Variants in PLCB1 observed in about 807,000 individuals in gnomAD.
PLCB1 encodes the protein 1-phosphatidylinositol 4,5-bisphosphate phosphodiesterase beta-1.
Under a neutral mutation model 161.8 loss-of-function variants are expected in PLCB1, and 46 were observed. That is an observed-to-expected ratio of 0.28 (90% CI 0.22 to 0.36). PLCB1 has a LOEUF of 0.36. Ranked by LOEUF, PLCB1 falls within the 10% of genes least tolerant of loss-of-function variation. PLCB1 has a pLI of 1.00. For synonymous variants in PLCB1, 517 were observed against 503.7 expected, an observed-to-expected ratio of 1.03 and a Z score of -0.35; for missense variants, 1,016 against 1,472.5, an observed-to-expected ratio of 0.69 and a Z score of 5.07.
At chr20:8,789,890 C>T (rs1008610049) in intron 30 of PLCB1, among the ~76,000 whole-genome samples, 3 of 152,134 alleles carry the variant, frequency 2.0e-5, no homozygotes, top group East Asian at 1.9e-4. Flanking sequence ...ATGGCAACCT[C>T]GAAGGGCTGT....
chr20:8,575,773 A>T (rs563252344), intron 3 of PLCB1, among the ~76,000 whole-genome samples: 2 of 152,354 alleles, frequency 1.3e-5, no homozygotes, highest in South Asian at 4.1e-4. Context: ...TTCCGTTTGG[A>T]TTAACATCAC....
At chr20:8,548,648 C>A (rs550533941) in intron 3 of PLCB1, among the ~76,000 whole-genome samples, 1 of 152,052 alleles carries the variant, frequency 6.6e-6, no homozygotes, top group Non-Finnish European at 1.5e-5. Flanking sequence ...AACCAAATCT[C>A]TGTATTTCAG....
At chr20:8,772,983 TGCCAAG>T (rs1303898362) in intron 26 of PLCB1, among the ~76,000 whole-genome samples, 1 of 152,200 alleles carries the variant, frequency 6.6e-6, no homozygotes, top group Non-Finnish European at 1.5e-5. Context: ...AACTATGTCA[TGCCAAG>T]AGGAAAGTTT....
intron 2 of PLCB1, among the ~76,000 whole-genome samples, chr20:8,247,142 G>T (rs577921280): frequency 6.6e-6 from 1 of 151,958 alleles, no homozygotes; most frequent in Non-Finnish European, 1.5e-5. Context: ...AATACTATCA[G>T]TTCCCAAAAC....
At chr20:8,380,355 T>C (rs1987220114) in intron 3 of PLCB1, among the ~76,000 whole-genome samples, 2 of 152,222 alleles carry the variant, frequency 1.3e-5, no homozygotes, top group South Asian at 4.1e-4. Context: ...TGTAGTATTG[T>C]AGTATAGTTT....
chr20:8,345,086 T>C (rs1434839048), intron 2 of PLCB1, among the ~76,000 whole-genome samples: 1 of 152,228 alleles, frequency 6.6e-6, no homozygotes, highest in Non-Finnish European at 1.5e-5. Context: ...TCAGAATTTT[T>C]GAAAAGTAAA....
intron 2 of PLCB1, among the ~76,000 whole-genome samples, chr20:8,253,417 A>G (rs1376211012): frequency 1.3e-5 from 2 of 151,934 alleles, no homozygotes; most frequent in Non-Finnish European, 2.9e-5. Flanking sequence ...TGACCTACCC[A>G]TATACCAATA....
At chr20:8,755,863 G>A (rs921891399) in intron 23 of PLCB1, among the ~76,000 whole-genome samples, 1 of 152,222 alleles carries the variant, frequency 6.6e-6, no homozygotes, top group African/African-American at 2.4e-5. Flanking sequence ...CAGATGATTA[G>A]CCTTGGCTAC....
At chr20:8,407,325 A>G (rs1978828019) in intron 3 of PLCB1, among the ~76,000 whole-genome samples, 1 of 152,210 alleles carries the variant, frequency 6.6e-6, no homozygotes, top group African/African-American at 2.4e-5. Flanking sequence ...AAAAAGGGAA[A>G]AAGAGTAACT....
At chr20:8,829,951 G>C (rs16995297) in intron 31 of PLCB1, among the ~76,000 whole-genome samples, 2,306 of 152,278 alleles carry the variant, frequency 0.015, 64 homozygotes, top group African/African-American at 0.053. Flanking sequence ...AGCCAACCTA[G>C]CTTTGATAAT....
At chr20:8,861,425 G>A (rs1987248833) in intron 31 of PLCB1, among the ~76,000 whole-genome samples, 1 of 152,064 alleles carries the variant, frequency 6.6e-6, no homozygotes, top group Non-Finnish European at 1.5e-5. Flanking sequence ...GCTAGCCCAG[G>A]CATCATGGCT....
chr20:8,845,199 A>G (rs1471072317), intron 31 of PLCB1, among the ~76,000 whole-genome samples: 1 of 152,162 alleles, frequency 6.6e-6, no homozygotes, highest in African/African-American at 2.4e-5. Flanking sequence ...TTTGGTGACT[A>G]GGGTGTTGTG....
In PLCB1 at chr20:8,602,744, A is replaced by G. The variant is rs968412188; in HGVS notation, c.247-25550A>G. On this transcript the variant is annotated intron_variant, in intron 3 of 31. Coordinates refer to ENST00000338037, the MANE Select transcript of PLCB1 (RefSeq NM_015192.4). ...CTTTAATTACAGTGATGTCAAATACATAGGCCTTTCTATTTAAAGGGATTT... is the reference window on the plus strand; with the variant it reads ...CTTTAATTACAGTGATGTCAAATACGTAGGCCTTTCTATTTAAAGGGATTT... 5.3e-5 allele frequency among the ~76,000 whole-genome samples: 8 copies of G among 152,240 alleles called. 1 individual carries two copies. The highest frequency in any genetic ancestry group is 4.6e-4 in the Admixed American group (7 of 15,292).
intron 31 of PLCB1, among the ~76,000 whole-genome samples, chr20:8,859,761 A>G (rs898797364): frequency 6.6e-6 from 1 of 152,054 alleles, no homozygotes; most frequent in Non-Finnish European, 1.5e-5. Flanking sequence ...TTCAAAGGTG[A>G]TGGGTTATTC....
At chr20:8,843,791 A>G (rs1478034705) in intron 31 of PLCB1, among the ~76,000 whole-genome samples, 1 of 152,204 alleles carries the variant, frequency 6.6e-6, no homozygotes, top group Non-Finnish European at 1.5e-5. Context: ...ACTTTGATAC[A>G]GGAATCCAAA....
chr20:8,711,688 G>A (rs1363669256), intron 12 of PLCB1, among the ~76,000 whole-genome samples: 2 of 152,136 alleles, frequency 1.3e-5, no homozygotes, highest in Non-Finnish European at 2.9e-5. Flanking sequence ...TCTTTCCTGG[G>A]AGGCTAGCAC....
intron 3 of PLCB1, among the ~76,000 whole-genome samples, chr20:8,539,486 A>G (rs1985185397): frequency 1.3e-5 from 2 of 152,184 alleles, no homozygotes; most frequent in South Asian, 2.1e-4. Flanking sequence ...AGAATTAAAG[A>G]TGATTAACAA....
At chr20:8,290,511 G>A (rs1221100037) in intron 2 of PLCB1, among the ~76,000 whole-genome samples, 1 of 152,172 alleles carries the variant, frequency 6.6e-6, no homozygotes, top group Non-Finnish European at 1.5e-5. Flanking sequence ...GTCCTGGGTT[G>A]AGGGCTACTT....
intron 31 of PLCB1, among the ~76,000 whole-genome samples, chr20:8,862,306 A>T (rs1024293622): frequency 6.6e-6 from 1 of 152,230 alleles, no homozygotes; most frequent in African/African-American, 2.4e-5. Context: ...ATTTTAGTTT[A>T]TCCGTCTATT....
Sources: allele counts gnomAD v4.1 joint callset (sites outside exome capture counted in the v4.1 genomes callset), GRCh38; gene constraint gnomAD v4.1.1; transcripts MANE v1.5; gene names NCBI Gene and HGNC (gene_info 2026-07-23, HGNC 2026-07-21).